YBX1: variants seen among roughly 807,000 people sequenced by gnomAD.
YBX1 encodes the protein Y-box binding protein 1.
A neutral mutation model predicts 41.4 loss-of-function variants in YBX1; 3 were observed. The ratio of observed to expected loss-of-function variants is 0.07; its 90% CI spans 0.03 to 0.19. The LOEUF (loss-of-function observed/expected upper bound fraction) is 0.19, where lower values mean the gene tolerates loss of function less well. YBX1 is among the 10% of genes least tolerant of loss of function. YBX1 has a pLI of 1.00. For missense variants in YBX1, 274 were observed against 462.8 expected (o/e 0.59, Z 3.74); for synonymous variants, 133 against 165.8 (o/e 0.80, Z 1.52).
rs371842681 is a variant in YBX1 at position 42,700,988 on chromosome 1, C to A, written c.948C>A (p.Pro316=). 6.2e-7 allele frequency: 1 copy of A among 1,614,118 alleles called. No homozygotes were observed. The highest frequency in any genetic ancestry group is 8.5e-7 in the Non-Finnish European group (1 of 1,180,020). Residue 316 remains proline, a synonymous_variant, in exon 7 of 8, where the codon CCC becomes CCA. Transcript: ENST00000321358. ...CACCAGCTGAGAATTCGTCCGCTCC[C>A]GAGGCTGAGCAGGGCGGGGCTGAGT... ...ADPPAENSSA[P]EAEQGGAE
At chr1:42,684,046 A>G (rs763236665) in intron 2 of YBX1, among the ~76,000 whole-genome samples, 2 of 152,238 alleles carry the variant, frequency 1.3e-5, no homozygotes, top group Non-Finnish European at 2.9e-5. Context: ...ATATATTTAC[A>G]AGAAAGTGGT....
chr1:42,684,224 T>C (rs1247339726), intron 2 of YBX1, among the ~76,000 whole-genome samples: 1 of 152,222 alleles, frequency 6.6e-6, no homozygotes, highest in Non-Finnish European at 1.5e-5. Context: ...GACACGTCTT[T>C]AGGACTTACC....
chr1:42,700,721 G>T, intron 6 of YBX1, 60 bp from the exon 7 acceptor site: 1 of 1,474,512 alleles, frequency 6.8e-7, no homozygotes, highest in South Asian at 1.2e-5. Flanking sequence ...TGGTTACACT[G>T]GTGGGTGTGT....
chr1:42,694,692 A>G (rs1372897649), intron 3 of YBX1, among the ~76,000 whole-genome samples: 1 of 152,264 alleles, frequency 6.6e-6, no homozygotes, highest in Non-Finnish European at 1.5e-5. Flanking sequence ...TCAGGGTCAA[A>G]TGTAATTATG....
At chr1:42,690,285 T>G (rs1423422401) in intron 2 of YBX1, among the ~76,000 whole-genome samples, 2 of 151,552 alleles carry the variant, frequency 1.3e-5, no homozygotes, top group Non-Finnish European at 2.9e-5. Context: ...GGTTTAATAA[T>G]GCAAATATCA....
intron 1 of YBX1, chr1:42,682,969 C>G (rs962995996): frequency 6.3e-6 from 1 of 157,576 alleles, no homozygotes; most frequent in Admixed American, 6.7e-5. Context: ...CCTCCCCCTG[C>G]GGCCGCGCGC....
chr1:42,696,165 C>T lies in YBX1; in HGVS notation c.265-34C>T, dbSNP rs756879839. ...AAATGAAAAAGCACATTATTCTCCC[C>T]TGTTAATCTATTTTTGGAATGTGAT... is the stretch of plus-strand genomic sequence containing the variant. On this transcript the variant is annotated intron_variant, in intron 3 of 7. Coordinates refer to ENST00000321358, the MANE Select transcript of YBX1 (RefSeq NM_004559.5). This position sits in a 1 kb window ranked among gnomAD's most constrained non-coding sequence, Gnocchi z 5.7. 8.4e-6 allele frequency: 13 copies of T among 1,549,670 alleles called. No individual in the cohort carries two copies. In the African/African-American group the frequency reaches 1.1e-4, roughly 13 times the overall value.
chr1:42,695,618 T>A (rs551813044), intron 3 of YBX1, among the ~76,000 whole-genome samples: 19 of 152,294 alleles, frequency 1.2e-4, no homozygotes, highest in African/African-American at 4.1e-4. Context: ...TCTGGGGAGG[T>A]GATAACTAAC....
At chr1:42,689,342 A>G (rs561563426) in intron 2 of YBX1, among the ~76,000 whole-genome samples, 5 of 152,356 alleles carry the variant, frequency 3.3e-5, no homozygotes, top group African/African-American at 9.6e-5. Flanking sequence ...GTTATGGAGC[A>G]TATAGATGGT....
intron 1 of YBX1, chr1:42,683,067 C>G (rs907058596): frequency 4.2e-6 from 2 of 481,328 alleles, no homozygotes; most frequent in African/African-American, 4.2e-5. Context: ...TCACCCCCAC[C>G]CAGCTCCCTT....
At position 42,683,262 on chromosome 1, in the gene YBX1, C is replaced by G. The variant is rs1473602554; in HGVS notation, c.167-141C>G. ...TGCGGCGGCGGCGGCGACTGCGTGG[C>G]CCCGCACCCGGGCGGTGGAGAGAAA... On this transcript the variant is annotated intron_variant, in intron 1 of 7. Transcript: ENST00000321358. 3.0e-6 allele frequency: 3 copies of G among 985,246 alleles called. No individual in the cohort carries two copies. In the Admixed American group the frequency reaches 5.7e-5, roughly 19 times the overall value. 61.0% of individuals were successfully genotyped at this position (985,246 alleles called of 1,614,324 possible).
chr1:42,701,638 G>A (rs1175647789), intron 7 of YBX1, among the ~76,000 whole-genome samples: 1 of 151,950 alleles, frequency 6.6e-6, no homozygotes, highest in Non-Finnish European at 1.5e-5. Context: ...TAAACTGCCT[G>A]TAGATTAATA....
At chr1:42,690,068 T>C (rs1650292273) in intron 2 of YBX1, among the ~76,000 whole-genome samples, 1 of 152,038 alleles carries the variant, frequency 6.6e-6, no homozygotes, top group South Asian at 2.1e-4. Context: ...AGACTAAAAA[T>C]CTAGCAGGGC....
intron 2 of YBX1, among the ~76,000 whole-genome samples, chr1:42,684,291 A>T (rs952437863): frequency 1.3e-5 from 2 of 152,230 alleles, no homozygotes; most frequent in South Asian, 2.1e-4. Context: ...ACTGTATTCC[A>T]TGGGCTCCCT....
intron 1 of YBX1, 24 bp downstream of exon 1, chr1:42,682,755 G>A (rs1557526644): frequency 1.7e-6 from 2 of 1,203,586 alleles, no homozygotes; most frequent in Non-Finnish European, 2.1e-6. Context: ...AGGGACGGGG[G>A]TGGGGCCCTC....
At chr1:42,687,181 T>G (rs1570416031) in intron 2 of YBX1, among the ~76,000 whole-genome samples, 1 of 152,214 alleles carries the variant, frequency 6.6e-6, no homozygotes, top group Non-Finnish European at 1.5e-5. Flanking sequence ...GCTTAATTCC[T>G]GATACTGGGA....
In YBX1 at chr1:42,697,300, T is replaced by G. The variant is rs201799805; in HGVS notation, c.740+38T>G. 8.1e-6 allele frequency: 13 copies of G among 1,602,908 alleles called. No individual in the cohort carries two copies. In the African/African-American group the frequency reaches 1.6e-4, roughly 20 times the overall value. Reference sequence around the variant, plus strand: ...TAAACATGTTTCTATTAAAATTTCCTCAAACCCGTGTTAGGACTCAGCAAT... The same window carrying G: ...TAAACATGTTTCTATTAAAATTTCCGCAAACCCGTGTTAGGACTCAGCAAT... On this transcript the variant is annotated intron_variant, in intron 6 of 7. Coordinates refer to ENST00000321358, the MANE Select transcript of YBX1 (RefSeq NM_004559.5).
At chr1:42,690,792 C>CT (rs1650310810) in intron 2 of YBX1, among the ~76,000 whole-genome samples, 1 of 152,320 alleles carries the variant, frequency 6.6e-6, no homozygotes, top group South Asian at 2.1e-4. Context: ...GTAGCTTTTT[C>CT]TTTCTGAATT....
intron 1 of YBX1, 101 bp downstream of exon 1, chr1:42,682,832 C>A: frequency 1.4e-6 from 1 of 724,954 alleles, no homozygotes; most frequent in Non-Finnish European, 1.8e-6. Flanking sequence ...CCGGTGGGCA[C>A]CGACTCCGCG....
Sources: gnomAD v4.1 joint callset for allele counts (sites outside exome capture counted in the v4.1 genomes callset) on GRCh38, gnomAD v4.1.1 for gene constraint, Gnocchi (gnomAD v3.1) non-coding constraint, MANE v1.5 for transcripts, NCBI Gene and HGNC (gene_info 2026-07-23, HGNC 2026-07-21) for gene names.